ATP9A: variants seen among roughly 807,000 people sequenced by gnomAD.
The protein encoded by ATP9A is ATPase phospholipid transporting 9A, also known as probable phospholipid-transporting ATPase IIA.
A neutral mutation model predicts 144.1 loss-of-function variants in ATP9A; 52 were observed. The ratio of observed to expected loss-of-function variants is 0.36; its 90% CI spans 0.29 to 0.45. ATP9A has a LOEUF of 0.45. ATP9A is among the 20% of genes least tolerant of loss of function. ATP9A has a pLI of 1.00. For missense variants in ATP9A, 947 were observed against 1,392.7 expected (o/e 0.68, Z 5.09); for synonymous variants, 582 against 557.4 (o/e 1.04, Z -0.62).
chr20:51,619,064 G>A (rs2122720933), intron 19 of ATP9A, 21 bp from the exon 20 acceptor site: 1 of 1,600,938 alleles, frequency 6.2e-7, no homozygotes, highest in African/African-American at 1.3e-5. Context: ...ACAGAGATGG[G>A]GAAGGAGGCA....
chr20:51,705,596 G>C (rs1241239150), intron 4 of ATP9A, among the ~76,000 whole-genome samples: 1 of 152,166 alleles, frequency 6.6e-6, no homozygotes, highest in Non-Finnish European at 1.5e-5. Flanking sequence ...CTTCTTTCAA[G>C]GCTAATTGTC....
At chr20:51,719,901 T>C (rs1214304203) in intron 3 of ATP9A, among the ~76,000 whole-genome samples, 1 of 151,732 alleles carries the variant, frequency 6.6e-6, no homozygotes, top group East Asian at 1.9e-4. Flanking sequence ...ATACAAAAAT[T>C]AACTGGGCGT....
At chr20:51,697,900 A>G (rs918925664) in intron 4 of ATP9A, among the ~76,000 whole-genome samples, 1 of 152,236 alleles carries the variant, frequency 6.6e-6, no homozygotes, top group Non-Finnish European at 1.5e-5. Context: ...TGACTGATTT[A>G]CTTTTTAATT....
intron 8 of ATP9A, among the ~76,000 whole-genome samples, chr20:51,689,650 G>A (rs1353740314): frequency 6.6e-6 from 1 of 151,410 alleles, no homozygotes; most frequent in Admixed American, 6.6e-5. Context: ...CAATTCTCCT[G>A]ACCTCAGGAG....
At chr20:51,742,864 T>G (rs1568844417) in intron 1 of ATP9A, among the ~76,000 whole-genome samples, 1 of 152,158 alleles carries the variant, frequency 6.6e-6, no homozygotes, top group African/African-American at 2.4e-5. Context: ...TGTTAAAAAG[T>G]AGGCCCTGAC....
chr20:51,662,789 C>T (rs1013283139), intron 13 of ATP9A, among the ~76,000 whole-genome samples: 3 of 151,430 alleles, frequency 2.0e-5, no homozygotes, highest in African/African-American at 4.8e-5. Context: ...AAAATATACA[C>T]GCCGGGCACA....
At chr20:51,657,221 G>T in intron 13 of ATP9A, 71 bp from the exon 14 acceptor site, 1 of 1,292,126 alleles carries the variant, frequency 7.7e-7, no homozygotes, top group Non-Finnish European at 1.1e-6. Flanking sequence ...AAGAACAGCC[G>T]TGCAGCTATT....
intron 18 of ATP9A, 120 bp downstream of exon 18, chr20:51,625,072 A>G: frequency 2.3e-6 from 2 of 870,964 alleles, no homozygotes; most frequent in Non-Finnish European, 3.4e-6. Flanking sequence ...CATTGCAGAT[A>G]AGGCACTCCT....
At chr20:51,628,319 C>T (rs2077257831) in intron 16 of ATP9A, among the ~76,000 whole-genome samples, 1 of 152,182 alleles carries the variant, frequency 6.6e-6, no homozygotes, top group African/African-American at 2.4e-5. Context: ...GTCCACGTCA[C>T]AAACTGGGTT....
chr20:51,762,732 CA>C (rs2077886590), intron 1 of ATP9A, among the ~76,000 whole-genome samples: 1 of 88,104 alleles, frequency 1.1e-5, no homozygotes, highest in African/African-American at 5.3e-5. Flanking sequence ...TTTTTTGAGA[CA>C]GGGTCTCACT....
chr20:51,725,556 C>G (rs938853339), intron 3 of ATP9A, among the ~76,000 whole-genome samples: 1 of 152,182 alleles, frequency 6.6e-6, no homozygotes, highest in African/African-American at 2.4e-5. Context: ...AATAAACATA[C>G]AATAAATCCT....
rs559419299 is a variant in ATP9A at position 51,741,055 on chromosome 20, TTTAA to T, written c.69-11081_69-11078del. Among the ~76,000 whole-genome samples the T allele has an allele frequency of 7.5e-3, 1,139 of 151,986 alleles. 15 individuals are homozygous for T. Among genetic ancestry groups the T allele is most frequent in the African/African-American group, 0.025 (1,047 of 41,510 alleles). ...TTAATTTAATTAATTAAAAATAAAT[TTTAA>T]TTAATTAATTAAAAATTAAAAATTC... On this transcript the variant is annotated intron_variant, in intron 1 of 27. Coordinates refer to ENST00000338821, the MANE Select transcript of ATP9A (RefSeq NM_006045.3).
At chr20:51,721,766 A>G (rs1313602258) in intron 3 of ATP9A, among the ~76,000 whole-genome samples, 1 of 146,098 alleles carries the variant, frequency 6.8e-6, no homozygotes, top group Admixed American at 7.2e-5. Context: ...ACACCACTGC[A>G]CTCCAGCCTG....
chr20:51,708,715 G>A (rs1568830079), intron 4 of ATP9A, among the ~76,000 whole-genome samples: 2 of 152,174 alleles, frequency 1.3e-5, no homozygotes, highest in African/African-American at 2.4e-5. Context: ...TAGCCTGGGC[G>A]ACAGAGCAAG....
At chr20:51,763,593 A>G (rs567132776) in intron 1 of ATP9A, among the ~76,000 whole-genome samples, 5 of 152,090 alleles carry the variant, frequency 3.3e-5, no homozygotes, top group East Asian at 1.9e-4. Context: ...GATTACAGGA[A>G]TGAGCCACCG....
intron 14 of ATP9A, among the ~76,000 whole-genome samples, chr20:51,650,546 A>T (rs1334801693): frequency 6.6e-6 from 1 of 151,030 alleles, no homozygotes; most frequent in African/African-American, 2.5e-5. Flanking sequence ...AAAAAAAAAT[A>T]AAAAATAAAA....
Position 51,634,977 on chromosome 20 carries a change from A to C in ATP9A, c.1668+4366T>G, listed in dbSNP as rs910575863. Among the ~76,000 whole-genome samples the C allele has an allele frequency of 6.1e-4, 92 of 151,922 alleles. 1 individual carries two copies. Among genetic ancestry groups the C allele is most frequent in the Admixed American group, 2.0e-4 (3 of 15,236 alleles). ...CTCCTCCTGGGCAGGAAGTCTTCAA[A>C]GTGGCTCGCAATGCCCCCCACCTCC... On this transcript the variant is annotated intron_variant, in intron 15 of 27. Transcript: ENST00000338821.
intron 3 of ATP9A, among the ~76,000 whole-genome samples, chr20:51,713,774 A>G (rs2077650060): frequency 1.3e-5 from 2 of 152,238 alleles, no homozygotes; most frequent in South Asian, 4.1e-4. Context: ...TCATATAAAT[A>G]GCAACAAAGA....
chr20:51,604,446 T>A (rs2077155330), intron 27 of ATP9A, among the ~76,000 whole-genome samples: 2 of 152,186 alleles, frequency 1.3e-5, no homozygotes, highest in Non-Finnish European at 2.9e-5. Flanking sequence ...CTCCCAGCAC[T>A]GCCACTTTGC....
Sources: gnomAD v4.1 joint callset for allele counts (sites outside exome capture counted in the v4.1 genomes callset) on GRCh38, gnomAD v4.1.1 for gene constraint, MANE v1.5 for transcripts, NCBI Gene and HGNC (gene_info 2026-07-23, HGNC 2026-07-21) for gene names.